CLINT1: variants seen among roughly 807,000 people sequenced by gnomAD.
The protein encoded by CLINT1 is clathrin interacting protein localized in the trans-Golgi region.
A neutral mutation model predicts 70.4 loss-of-function variants in CLINT1; 15 were observed. The observed-to-expected ratio is 0.21, with a 90% CI of 0.14 to 0.33. The LOEUF (loss-of-function observed/expected upper bound fraction) is 0.33. CLINT1 is among the 10% of genes least tolerant of loss of function. The pLI, the probability that CLINT1 is intolerant of heterozygous loss-of-function variation, is 1.00. For synonymous variants in CLINT1, 227 were observed against 254.7 expected (o/e 0.89, Z 1.04); for missense variants, 615 against 778.1 (o/e 0.79, Z 2.49).
At chr5:157,850,341 G>C (rs548719066) in intron 1 of CLINT1, among the ~76,000 whole-genome samples, 1 of 152,220 alleles carries the variant, frequency 6.6e-6, no homozygotes, top group South Asian at 2.1e-4. Flanking sequence ...TTACTGGCTG[G>C]GCACAGTGGC....
chr5:157,845,553 A>AT (rs1218339354), intron 1 of CLINT1, among the ~76,000 whole-genome samples: 12,568 of 136,712 alleles, frequency 0.092, 692 homozygotes, highest in South Asian at 0.12. Flanking sequence ...GCATTTTAGT[A>AT]TTTTTTTTTT....
chr5:157,823,928 A>G (rs1762952386), intron 1 of CLINT1, among the ~76,000 whole-genome samples: 1 of 151,944 alleles, frequency 6.6e-6, no homozygotes, highest in Admixed American at 6.6e-5. Flanking sequence ...CATGTGAGGG[A>G]CCTAGGCTGT....
At position 157,809,736 on chromosome 5, in the gene CLINT1, G is replaced by A; in HGVS notation, c.587C>T (p.Pro196Leu). 1 of 1,613,246 alleles carries A rather than the reference G, an allele frequency of 6.2e-7. No homozygotes were observed. The highest frequency in any genetic ancestry group is 8.5e-7 in the Non-Finnish European group (1 of 1,179,562). ...CAGCTCACCTAATTTATCACTGAAT[G>A]GAAAAGCACTCTTGTTTTTATCCCA... ...EEWDKNKSAFPFSDKLGELSD... is the reference protein window; with the variant it reads ...EEWDKNKSAFLFSDKLGELSD... Residue 196 changes from proline to leucine, a missense_variant, in exon 6 of 12, where the codon CCA (proline) becomes CTA (leucine). Transcript: ENST00000411809.
chr5:157,838,350 T>C (rs1763506337), intron 1 of CLINT1, among the ~76,000 whole-genome samples: 2 of 152,182 alleles, frequency 1.3e-5, no homozygotes, highest in Admixed American at 6.5e-5. Flanking sequence ...CTCAAACTCC[T>C]GACCTCAAGT....
intron 1 of CLINT1, among the ~76,000 whole-genome samples, chr5:157,822,575 T>C (rs750806387): frequency 2.0e-5 from 3 of 152,220 alleles, no homozygotes; most frequent in African/African-American, 7.2e-5. Flanking sequence ...ACAGCCAGTA[T>C]TCAGTTAGTC....
chr5:157,849,537 C>T (rs150934742), intron 1 of CLINT1, among the ~76,000 whole-genome samples: 158 of 152,132 alleles, frequency 1.0e-3, no homozygotes, highest in African/African-American at 2.9e-3. Context: ...CCTGTAATAT[C>T]TCTGAGGTAT....
intron 1 of CLINT1, among the ~76,000 whole-genome samples, chr5:157,824,751 C>G (rs949692161): frequency 1.3e-5 from 2 of 152,146 alleles, no homozygotes; most frequent in African/African-American, 4.8e-5. Context: ...AAGAAACTCA[C>G]TCCAAATCCC....
intron 1 of CLINT1, among the ~76,000 whole-genome samples, chr5:157,843,919 G>T (rs1415112084): frequency 6.6e-6 from 1 of 152,004 alleles, no homozygotes; most frequent in African/African-American, 2.4e-5. Context: ...TCTTCTGCTT[G>T]ATTAAATTCA....
intron 1 of CLINT1, among the ~76,000 whole-genome samples, chr5:157,845,768 A>C (rs1753350507): frequency 6.6e-6 from 1 of 151,866 alleles, no homozygotes; most frequent in African/African-American, 2.4e-5. Context: ...GTTAGCCAGG[A>C]TGGTCTCGAT....
At chr5:157,841,524 C>CCA (rs1753179124) in intron 1 of CLINT1, among the ~76,000 whole-genome samples, 2 of 150,756 alleles carry the variant, frequency 1.3e-5, no homozygotes, top group South Asian at 4.3e-4. Flanking sequence ...CCAAGATGTA[C>CCA]CACTGCATTG....
chr5:157,821,386 G>C (rs921342262), intron 1 of CLINT1, among the ~76,000 whole-genome samples: 1 of 151,826 alleles, frequency 6.6e-6, no homozygotes, highest in Non-Finnish European at 1.5e-5. Flanking sequence ...ACAGACATGA[G>C]ATGTAATAAT....
At position 157,859,127 on chromosome 5, in the gene CLINT1, C is replaced by G. The variant is rs918973581; in HGVS notation, c.-157G>C. ...TCCTTTGCCACAGCAGCGGCGCCGC[C>G]GGTGACACGTCGAGACGCGGCAGCA... On this transcript the variant is annotated 5_prime_UTR_variant, in exon 1 of 12. Transcript: ENST00000411809. 2.0e-5 allele frequency: 14 copies of G among 685,446 alleles called. No homozygotes were observed. The highest frequency in any genetic ancestry group is 3.2e-5 in the Non-Finnish European group (14 of 432,724). 42.5% of individuals were successfully genotyped at this position (685,446 alleles called of 1,614,324 possible).
At chr5:157,821,949 T>C (rs779017094) in intron 1 of CLINT1, among the ~76,000 whole-genome samples, 11 of 152,208 alleles carry the variant, frequency 7.2e-5, no homozygotes, top group Non-Finnish European at 1.5e-4. Context: ...CTCAGAACAC[T>C]CCAGCAACTT....
chr5:157,830,052 G>A (rs904577064), intron 1 of CLINT1, among the ~76,000 whole-genome samples: 1 of 152,044 alleles, frequency 6.6e-6, no homozygotes, highest in South Asian at 2.1e-4. Context: ...AGGCTCAAGC[G>A]ATCCTCTCAC....
At chr5:157,830,055 C>T (rs192942890) in intron 1 of CLINT1, among the ~76,000 whole-genome samples, 1 of 152,180 alleles carries the variant, frequency 6.6e-6, no homozygotes, top group Non-Finnish European at 1.5e-5. Flanking sequence ...CTCAAGCGAT[C>T]CTCTCACATC....
rs756196588 is a variant in CLINT1, at chr5:157,787,191, T to C, written c.*455A>G. On this transcript the variant is annotated 3_prime_UTR_variant, in exon 12 of 12. Coordinates refer to ENST00000411809, the MANE Select transcript of CLINT1 (RefSeq NM_014666.4). ...TTATAAAAAACTGATCATCCAACTTTAATGATTTCATATATGGACTCAAGA... is the reference window on the plus strand; with the variant it reads ...TTATAAAAAACTGATCATCCAACTTCAATGATTTCATATATGGACTCAAGA... The C allele has an allele frequency of 1.3e-5, 2 of 154,746 alleles. No individual in the cohort carries two copies. Among genetic ancestry groups the C allele is most frequent in the African/African-American group, 2.4e-5 (1 of 41,450 alleles). 9.6% of individuals were successfully genotyped at this position (154,746 alleles called of 1,614,324 possible).
chr5:157,839,183 C>T (rs902971620), intron 1 of CLINT1, among the ~76,000 whole-genome samples: 4 of 152,266 alleles, frequency 2.6e-5, no homozygotes, highest in Admixed American at 6.5e-5. Context: ...GGGCCATGAT[C>T]GTGCCACTGC....
intron 1 of CLINT1, among the ~76,000 whole-genome samples, chr5:157,846,211 C>T (rs1561674119): frequency 6.6e-6 from 1 of 152,156 alleles, no homozygotes; most frequent in Non-Finnish European, 1.5e-5. Context: ...CTGAGACAGG[C>T]TAAAAGCTAT....
At chr5:157,789,667 C>T (rs1478296010) in intron 10 of CLINT1, 154 bp from the exon 11 acceptor site, 1 of 949,372 alleles carries the variant, frequency 1.1e-6, no homozygotes, top group African/African-American at 1.6e-5. Flanking sequence ...ACAAAAAGAA[C>T]CACTAATGTT....
Sources: gnomAD v4.1 joint callset for allele counts (sites outside exome capture counted in the v4.1 genomes callset) on GRCh38, gnomAD v4.1.1 for gene constraint, MANE v1.5 for transcripts, NCBI Gene and HGNC (gene_info 2026-07-23, HGNC 2026-07-21) for gene names.